SNX30: variants seen among roughly 807,000 people sequenced by gnomAD.
SNX30 encodes the protein sorting nexin-30.
In SNX30, 24 loss-of-function variants were observed where a neutral mutation model predicts 46.4. The ratio of observed to expected loss-of-function variants is 0.52; its 90% confidence interval spans 0.37 to 0.73. SNX30 has a LOEUF of 0.73. SNX30 is among the 30% of genes least tolerant of loss of function. The pLI is 0.00. For missense variants in SNX30, 533 were observed against 555.7 expected (o/e 0.96, Z 0.41); for synonymous variants, 189 against 211.5 (o/e 0.89, Z 0.92).
intron 7 of SNX30, among the ~76,000 whole-genome samples, chr9:112,852,296 G>A (rs945320823): frequency 1.3e-5 from 2 of 152,070 alleles, no homozygotes; most frequent in African/African-American, 4.8e-5. Context: ...TGGGTTTTCA[G>A]ACTGGGGACG....
rs889241924 is a variant in SNX30, at chr9:112,804,920, C to G, written c.301C>G (p.His101Asp). Residue 101 changes from histidine to aspartate, a missense_variant, in exon 2 of 9, where the codon CAT (histidine) becomes GAT (aspartate). This residue lies in a region of SNX30 where 191 missense variants were observed against 160.3 expected (regional missense o/e 1.19). Transcript: ENST00000374232. ...CGTTATAGTTGATGATCCCAAGAAG[C>G]ATGTGTGTACAATGGAGACTTACAT... ...LFVIVDDPKK[H>D]VCTMETYITY... 2 of 1,613,464 alleles carry G rather than the reference C, an allele frequency of 1.2e-6. No individual in the cohort carries two copies. The highest frequency in any genetic ancestry group is 8.5e-7 in the Non-Finnish European group (1 of 1,179,712).
chr9:112,835,812 G>A (rs1840742466), intron 4 of SNX30, among the ~76,000 whole-genome samples: 2 of 152,106 alleles, frequency 1.3e-5, no homozygotes, highest in South Asian at 4.1e-4. Context: ...TTTAGTTGGG[G>A]TATAAATAAA....
chr9:112,867,952 G>C (rs944624249), intron 8 of SNX30, among the ~76,000 whole-genome samples: 19 of 152,224 alleles, frequency 1.2e-4, no homozygotes, highest in Admixed American at 7.2e-4. Context: ...AATCATTTCT[G>C]CTCTCAGAGG....
At chr9:112,863,994 T>C (rs867741018) in intron 7 of SNX30, among the ~76,000 whole-genome samples, 1 of 152,032 alleles carries the variant, frequency 6.6e-6, no homozygotes, top group Non-Finnish European at 1.5e-5. Flanking sequence ...TAAATGGGGG[T>C]GTTTCCCCCA....
At chr9:112,757,485 G>T (rs1839369456) in intron 1 of SNX30, among the ~76,000 whole-genome samples, 1 of 152,206 alleles carries the variant, frequency 6.6e-6, no homozygotes, top group East Asian at 1.9e-4. Context: ...TCTTTATGAG[G>T]TGTTGATTTC....
chr9:112,876,482 G>A (rs1841518722), downstream of SNX30, among the ~76,000 whole-genome samples: 4 of 152,162 alleles, frequency 2.6e-5, no homozygotes, highest in African/African-American at 9.7e-5. Context: ...AATGAGCTTA[G>A]GTGGTGGGGT....
At chr9:112,788,147 C>G (rs1013281937) in intron 1 of SNX30, among the ~76,000 whole-genome samples, 23 of 151,996 alleles carry the variant, frequency 1.5e-4, no homozygotes, top group Non-Finnish European at 8.8e-5. Flanking sequence ...CCACTTGGCA[C>G]CTGCTATTGG....
At chr9:112,818,750 C>G (rs995190911) in intron 3 of SNX30, among the ~76,000 whole-genome samples, 1 of 151,606 alleles carries the variant, frequency 6.6e-6, no homozygotes, top group Non-Finnish European at 1.5e-5. Context: ...CAGCCTTTTT[C>G]CCCCCATGGT....
At chr9:112,833,259 TTC>T (rs1331300901) in intron 4 of SNX30, among the ~76,000 whole-genome samples, 1 of 151,948 alleles carries the variant, frequency 6.6e-6, no homozygotes, top group Non-Finnish European at 1.5e-5. Flanking sequence ...CTTGATCTTG[TTC>T]TGAGATGAGC....
chr9:112,854,306 T>A (rs2131488210), intron 7 of SNX30, among the ~76,000 whole-genome samples: 1 of 152,314 alleles, frequency 6.6e-6, no homozygotes, highest in Admixed American at 6.5e-5. Context: ...GGCCTCACAT[T>A]CCTGCGGGTC....
rs377729336 is a variant in SNX30, at chr9:112,865,382, A to G, written c.1254+983A>G. ...CTCACGCCCGTAATCCCAGCACTTG[A>G]AGAGTCCGAGGTGGGAGGATCACTT... On this transcript the variant is annotated intron_variant, in intron 8 of 8. Transcript: ENST00000374232. Among the ~76,000 whole-genome samples, 22 of 151,858 alleles carry G rather than the reference A, an allele frequency of 1.4e-4. No homozygotes were observed. The South Asian group carries it at 2.9e-3, about 20-fold the overall frequency.
intron 6 of SNX30, among the ~76,000 whole-genome samples, chr9:112,848,741 G>A (rs2131477240): frequency 6.6e-6 from 1 of 152,372 alleles, no homozygotes; most frequent in African/African-American, 2.4e-5. Flanking sequence ...TGCCTCTCCT[G>A]TGGGCCAGGG....
intron 6 of SNX30, among the ~76,000 whole-genome samples, chr9:112,848,168 TGTGAGAAGTTCA>T (rs1434519655): frequency 2.0e-5 from 3 of 152,012 alleles, no homozygotes; most frequent in Non-Finnish European, 4.4e-5. Context: ...TATAAAGTTC[TGTGAGAAGTTCA>T]GATGATGACT....
chr9:112,845,632 A>G (rs1172763188), intron 6 of SNX30, among the ~76,000 whole-genome samples: 1 of 152,196 alleles, frequency 6.6e-6, no homozygotes, highest in Non-Finnish European at 1.5e-5. Flanking sequence ...TCTCAGCCTT[A>G]GATCTTCCAT....
rs1554753739 is a variant in SNX30 at position 112,822,543 on chromosome 9, T to TTTG, written c.459+4730_459+4731insGTT. ...TTGTCCCTTTGCTGTTTTGTTTTGTTTTTTTTTTTTGTAAGAACCTGTAAC... is the reference window on the plus strand; with the variant it reads ...TTGTCCCTTTGCTGTTTTGTTTTGTTTTGTTTTTTTTTTGTAAGAACCTGTAAC... On this transcript the variant is annotated intron_variant, in intron 3 of 8. Coordinates refer to ENST00000374232, the MANE Select transcript of SNX30 (RefSeq NM_001012994.2). Among the ~76,000 whole-genome samples the TTTG allele has an allele frequency of 1.3e-5, 2 of 149,468 alleles. 1 individual carries two copies. The highest frequency in any genetic ancestry group is 3.0e-5 in the Non-Finnish European group (2 of 67,412).
chr9:112,763,528 T>C (rs1478325968), intron 1 of SNX30, among the ~76,000 whole-genome samples: 8 of 151,654 alleles, frequency 5.3e-5, no homozygotes, highest in Non-Finnish European at 7.4e-5. Flanking sequence ...GGCCCAGTTA[T>C]TATGTTTTTT....
chr9:112,785,073 A>G (rs939847237), intron 1 of SNX30, among the ~76,000 whole-genome samples: 2 of 152,206 alleles, frequency 1.3e-5, no homozygotes, highest in African/African-American at 4.8e-5. Context: ...TGTGTTGGAA[A>G]ACACCTATGT....
intron 6 of SNX30, among the ~76,000 whole-genome samples, chr9:112,846,487 T>A (rs1840941768): frequency 6.6e-6 from 1 of 152,246 alleles, no homozygotes; most frequent in Non-Finnish European, 1.5e-5. Context: ...CTCAGTCATT[T>A]AACCAGAGCT....
chr9:112,757,340 G>T (rs1839366918), intron 1 of SNX30, among the ~76,000 whole-genome samples: 1 of 152,200 alleles, frequency 6.6e-6, no homozygotes, highest in African/African-American at 2.4e-5. Flanking sequence ...CTTTTCTGGG[G>T]CTGAATAATA....
Sources: gnomAD v4.1 joint callset for allele counts (sites outside exome capture counted in the v4.1 genomes callset) on GRCh38, gnomAD v4.1.1 for gene constraint, gnomAD v4.1.1 regional missense constraint, MANE v1.5 for transcripts, NCBI Gene and HGNC (gene_info 2026-07-23, HGNC 2026-07-21) for gene names.